Variants in CTNNA3 observed in about 807,000 individuals in gnomAD.
CTNNA3 encodes catenin alpha-3.
In CTNNA3, 76 loss-of-function variants were observed where a neutral mutation model predicts 95.7. That is an observed-to-expected ratio of 0.79 (90% CI 0.66 to 0.96). The LOEUF (loss-of-function observed/expected upper bound fraction) is 0.96. Ranked by LOEUF, CTNNA3 falls within the 40% of genes least tolerant of loss-of-function variation. The pLI is 0.00. For synonymous variants in CTNNA3, 431 were observed against 374.4 expected (o/e 1.15, Z -1.74); for missense variants, 1,191 against 1,089.8 (o/e 1.09, Z -1.31).
chr10:66,902,943 G>A (rs937581938), intron 7 of CTNNA3, among the ~76,000 whole-genome samples: 7 of 152,094 alleles, frequency 4.6e-5, no homozygotes, highest in Non-Finnish European at 7.3e-5. Flanking sequence ...AATTCTACCC[G>A]AAGTACAAAG....
At chr10:66,198,644 T>G (rs1262471296) in intron 13 of CTNNA3, among the ~76,000 whole-genome samples, 1 of 152,120 alleles carries the variant, frequency 6.6e-6, no homozygotes, top group Non-Finnish European at 1.5e-5. Flanking sequence ...ATCTTCCCAA[T>G]AGTTTTCAAT....
chr10:66,181,713 A>T (rs2131857645), intron 13 of CTNNA3, among the ~76,000 whole-genome samples: 1 of 152,338 alleles, frequency 6.6e-6, no homozygotes, highest in Admixed American at 6.5e-5. Flanking sequence ...ACAAGTGTAC[A>T]ATATTCACAT....
At chr10:66,769,716 A>C (rs1430697404) in intron 8 of CTNNA3, among the ~76,000 whole-genome samples, 1 of 152,184 alleles carries the variant, frequency 6.6e-6, no homozygotes. Context: ...CCCTCAACCT[A>C]TGCGGATAGA....
chr10:67,575,722 T>C (rs1842120569), intron 3 of CTNNA3, among the ~76,000 whole-genome samples: 1 of 152,216 alleles, frequency 6.6e-6, no homozygotes, highest in Non-Finnish European at 1.5e-5. Context: ...TATCATATTC[T>C]AAACTGTAGC....
intron 1 of CTNNA3, among the ~76,000 whole-genome samples, chr10:67,677,096 TC>T (rs1361802376): frequency 2.0e-5 from 3 of 152,030 alleles, no homozygotes; most frequent in Admixed American, 6.6e-5. Context: ...TCCTCCAGTC[TC>T]CCCAGTGTTG....
chr10:65,990,152 C>T (rs531388220), intron 15 of CTNNA3, among the ~76,000 whole-genome samples: 2 of 151,610 alleles, frequency 1.3e-5, no homozygotes, highest in South Asian at 4.2e-4. Flanking sequence ...AGGTTGATTT[C>T]ACATCTTTGC....
chr10:67,303,104 T>C (rs1422059361), intron 5 of CTNNA3, among the ~76,000 whole-genome samples: 2 of 152,168 alleles, frequency 1.3e-5, no homozygotes, highest in Non-Finnish European at 2.9e-5. Context: ...TGTGCACCAA[T>C]GTTTGAGAAC....
chr10:66,310,681 C>T (rs560238385), intron 12 of CTNNA3, among the ~76,000 whole-genome samples: 11 of 145,410 alleles, frequency 7.6e-5, no homozygotes, highest in East Asian at 6.2e-4. Context: ...TTTGTTTATA[C>T]ATAACTTTTT....
In CTNNA3 at chr10:66,263,529, T is replaced by A. The variant is rs113260482; in HGVS notation, c.1884+16941A>T. Among the ~76,000 whole-genome samples the A allele has an allele frequency of 5.6e-3, 854 of 152,106 alleles. 6 individuals are homozygous for A. The highest frequency in any genetic ancestry group is 0.02 in the African/African-American group (826 of 41,540). On this transcript the variant is annotated intron_variant, in intron 13 of 17. Coordinates refer to ENST00000433211, the MANE Select transcript of CTNNA3 (RefSeq NM_013266.4). ...GTCAGGGTATCAGAGTATCTTTTGT[T>A]TTCCTTTATTATATTGTAAGGACAA...
At chr10:66,660,696 G>A (rs1846231335) in intron 9 of CTNNA3, among the ~76,000 whole-genome samples, 1 of 152,052 alleles carries the variant, frequency 6.6e-6, no homozygotes, top group Non-Finnish European at 1.5e-5. Flanking sequence ...CTGATAATAT[G>A]TATCACTTCT....
At chr10:66,126,073 T>A (rs1335646165) in intron 13 of CTNNA3, among the ~76,000 whole-genome samples, 1 of 152,172 alleles carries the variant, frequency 6.6e-6, no homozygotes, top group Non-Finnish European at 1.5e-5. Context: ...ATGTTCTGAT[T>A]GTAACAAATA....
chr10:67,677,682 A>G (rs1448164700), intron 1 of CTNNA3, among the ~76,000 whole-genome samples: 1 of 152,008 alleles, frequency 6.6e-6, no homozygotes, highest in African/African-American at 2.4e-5. Context: ...TTCTAACTAC[A>G]CTCAGCCAGA....
intron 9 of CTNNA3, among the ~76,000 whole-genome samples, chr10:66,723,960 AT>A (rs2132645829): frequency 1.3e-5 from 2 of 152,076 alleles, no homozygotes; most frequent in Middle Eastern, 3.4e-3. Context: ...CTTTCATCAT[AT>A]TTTTTCCCCT....
intron 3 of CTNNA3, among the ~76,000 whole-genome samples, chr10:67,589,511 C>T (rs1004618422): frequency 6.6e-6 from 1 of 151,990 alleles, no homozygotes; most frequent in African/African-American, 2.4e-5. Context: ...CTAACAACAC[C>T]CACTGTTATA....
intron 5 of CTNNA3, among the ~76,000 whole-genome samples, chr10:67,439,160 C>A (rs998773433): frequency 7.9e-5 from 12 of 152,058 alleles, no homozygotes; most frequent in Non-Finnish European, 5.9e-5. Context: ...GAGAGGAAAG[C>A]AAATAGCAAA....
At chr10:65,972,904 GAAAA>G (rs3052085) in intron 16 of CTNNA3, among the ~76,000 whole-genome samples, 1,473 of 140,126 alleles carry the variant, frequency 0.011, 31 homozygotes, top group African/African-American at 0.034. Flanking sequence ...TCCTAAGGGG[GAAAA>G]AAAAAAAAAA....
intron 5 of CTNNA3, among the ~76,000 whole-genome samples, chr10:67,347,072 T>C (rs963337193): frequency 6.6e-6 from 1 of 151,956 alleles, no homozygotes; most frequent in Admixed American, 6.6e-5. Flanking sequence ...GAATTTTTTT[T>C]TTTTTTTGAG....
intron 7 of CTNNA3, among the ~76,000 whole-genome samples, chr10:66,905,742 T>C (rs1052101653): frequency 6.6e-6 from 1 of 152,142 alleles, no homozygotes; most frequent in East Asian, 1.9e-4. Context: ...AAGCCAGTCA[T>C]GGAAGGACAA....
chr10:66,805,508 C>CATAT (rs546398239), intron 7 of CTNNA3, among the ~76,000 whole-genome samples: 10 of 147,504 alleles, frequency 6.8e-5, no homozygotes, highest in African/African-American at 2.2e-4. Context: ...TATATTTATA[C>CATAT]ATATATATAT....
Sources: gnomAD v4.1 joint callset for allele counts (sites outside exome capture counted in the v4.1 genomes callset) on GRCh38, gnomAD v4.1.1 for gene constraint, MANE v1.5 for transcripts, NCBI Gene and HGNC (gene_info 2026-07-23, HGNC 2026-07-21) for gene names.